Variants in SWI5 observed in about 807,000 individuals in gnomAD.
SWI5 encodes the protein SWI5 homologous recombination repair protein, also known as DNA repair protein SWI5 homolog.
Under a neutral mutation model 17.0 loss-of-function variants are expected in SWI5, and 12 were observed. That is an observed-to-expected ratio of 0.71 (90% confidence interval 0.45 to 1.14). SWI5 has a LOEUF of 1.14. Ranked by LOEUF, SWI5 falls within the 50% of genes most tolerant of loss-of-function variation. The pLI, the probability that SWI5 is intolerant of heterozygous loss-of-function variation, is 0.00. For missense variants in SWI5, 158 were observed against 162.2 expected (o/e 0.97, Z 0.14); for synonymous variants, 61 against 64.0 (o/e 0.95, Z 0.22).
intron 2 of SWI5, among the ~76,000 whole-genome samples, chr9:128,283,680 C>T (rs1831582493): frequency 6.6e-6 from 1 of 152,210 alleles, no homozygotes; most frequent in Non-Finnish European, 1.5e-5. Flanking sequence ...CATTGGCACC[C>T]AGGCCTCCAT....
At chr9:128,280,753 G>A (rs564128427) in intron 2 of SWI5, among the ~76,000 whole-genome samples, 107 of 152,196 alleles carry the variant, frequency 7.0e-4, no homozygotes, top group African/African-American at 2.5e-3. Flanking sequence ...TCCTGACCTC[G>A]TGATCCTCCC....
chr9:128,285,081 C>T lies in SWI5; in HGVS notation c.233+450C>T, dbSNP rs181434514. Among the ~76,000 whole-genome samples, 128 of 151,940 alleles carry T rather than the reference C, an allele frequency of 8.4e-4. No individual in the cohort carries two copies. The highest frequency in any genetic ancestry group is 2.9e-3 in the African/African-American group (119 of 41,442). ...ACTCAGGAGGCTGAGGCAGGAGAAT[C>T]GCTTGAACCTGGCAGGCAGAGGTTG... is the stretch of plus-strand genomic sequence containing the variant. On this transcript the variant is annotated intron_variant, in intron 3 of 4. Coordinates refer to ENST00000418976, the Ensembl canonical transcript of SWI5. The surrounding 1 kb of genome is among the most constrained non-coding windows in gnomAD (Gnocchi z 4.8).
chr9:128,275,419 G>A (rs1353693233), upstream of SWI5: 2 of 1,294,548 alleles, frequency 1.5e-6, no homozygotes. Context: ...TGGGGGAGGG[G>A]ACCGCAGGGC....
At chr9:128,279,880 A>G (rs1327830695) in intron 2 of SWI5, among the ~76,000 whole-genome samples, 3 of 152,170 alleles carry the variant, frequency 2.0e-5, no homozygotes, top group Non-Finnish European at 4.4e-5. Flanking sequence ...GGAGCCCTCA[A>G]GCGGCCCTTA....
exon 3 of SWI5, chr9:128,284,628 C>G (rs1203319800): frequency 3.1e-6 from 5 of 1,613,274 alleles, no homozygotes; most frequent in Non-Finnish European, 4.2e-6. Context: ...CAGTTCGTAT[C>G]TGAGTAAGTT....
At chr9:128,275,550 T>A, upstream of SWI5, 2 of 1,226,620 alleles carry the variant, frequency 1.6e-6, no homozygotes, top group Non-Finnish European at 2.1e-6. Flanking sequence ...CCAAAGTCAC[T>A]GGCGAGGGCA....
At chr9:128,275,854 TG>T, upstream of SWI5, 1 of 1,082,342 alleles carries the variant, frequency 9.2e-7, no homozygotes, top group South Asian at 1.4e-5. Flanking sequence ...GGAGTGGGGC[TG>T]GGGCTGGGTC....
intron 2 of SWI5, among the ~76,000 whole-genome samples, chr9:128,282,531 G>A (rs1831557465): frequency 6.6e-6 from 1 of 152,218 alleles, no homozygotes; most frequent in African/African-American, 2.4e-5. Flanking sequence ...TTAACTGGAA[G>A]CATCTGGAGG....
At position 128,281,028 on chromosome 9, in the gene SWI5, CTTTTTTTTTTTTTT is replaced by C. The variant is rs11306272; in HGVS notation, c.112-3466_112-3453del. Among the ~76,000 whole-genome samples, 280 of 43,818 alleles carry C rather than the reference CTTTTTTTTTTTTTT, an allele frequency of 6.4e-3. 9 individuals are homozygous for C. The South Asian group carries it at 0.22, about 34-fold the overall frequency. The allele number at this position is 43,818 out of a possible 152,430, so 28.7% of individuals were successfully genotyped here. A position where few individuals can be genotyped will look rare whatever the true frequency, so the allele number is the denominator to read the frequency against. ...CGTGTTCAATACAGATTCAACCATG[CTTTTTTTTTTTTTT>C]TTTTTTTTTTTTTTTGAGAGAGTCT... On this transcript the variant is annotated intron_variant, in intron 2 of 4. Coordinates refer to ENST00000418976, the Ensembl canonical transcript of SWI5.
intron 2 of SWI5, among the ~76,000 whole-genome samples, chr9:128,281,940 G>A (rs1831546175): frequency 6.6e-6 from 1 of 152,216 alleles, no homozygotes; most frequent in African/African-American, 2.4e-5. Context: ...AAAATTCGCT[G>A]AGTGTGATGG....
intron 2 of SWI5, among the ~76,000 whole-genome samples, chr9:128,283,792 C>A (rs115078407): frequency 6.6e-6 from 1 of 152,090 alleles, no homozygotes; most frequent in Non-Finnish European, 1.5e-5. Flanking sequence ...GGAAGGGAGA[C>A]GGCCAGAGAA....
chr9:128,287,565 T>TC (rs1470498521), intron 4 of SWI5, among the ~76,000 whole-genome samples: 2 of 146,222 alleles, frequency 1.4e-5, no homozygotes, highest in Non-Finnish European at 3.0e-5. Flanking sequence ...CCCTTTTTTT[T>TC]TTTTTTTTTT....
chr9:128,284,657 TGGTTAA>T (rs1831604188), intron 3 of SWI5, 26 bp downstream of exon 3: 1 of 1,609,754 alleles, frequency 6.2e-7, no homozygotes, highest in South Asian at 1.1e-5. Context: ...TTCCCCATCA[TGGTTAA>T]GATAACTTTG....
rs1831616952 is a variant in SWI5 at position 128,285,222 on chromosome 9, G to T, written c.233+591G>T. ...AGGAGAGGAAAGAAAAAGGAAGGAA[G>T]GAAAGAAAGGAAGGGAAAGAAGGAA... On this transcript the variant is annotated intron_variant, in intron 3 of 4. Coordinates refer to ENST00000418976, the Ensembl canonical transcript of SWI5. This position sits in a 1 kb window ranked among gnomAD's most constrained non-coding sequence, Gnocchi z 4.8. 1.4e-5 allele frequency among the ~76,000 whole-genome samples: 2 copies of T among 144,348 alleles called. No individual in the cohort carries two copies. Among genetic ancestry groups the T allele is most frequent in the African/African-American group, 2.6e-5 (1 of 39,062 alleles). The allele number at this position is 144,348 out of a possible 152,430, so 94.7% of individuals were successfully genotyped here.
intron 2 of SWI5, among the ~76,000 whole-genome samples, chr9:128,280,502 GTTC>G (rs1273843313): frequency 7.8e-6 from 1 of 128,858 alleles, no homozygotes; most frequent in Non-Finnish European, 1.6e-5. Context: ...GGTTGCATCT[GTTC>G]TTTTTAAAAA....
chr9:128,278,737 G>T lies in SWI5; in HGVS notation c.111+1982G>T, dbSNP rs193155215. The T allele has an allele frequency of 5.7e-5, 25 of 442,136 alleles. No individual in the cohort carries two copies. The East Asian group carries it at 1.7e-3, about 30-fold the overall frequency. The allele number at this position is 442,136 out of a possible 1,614,324, so 27.4% of individuals were successfully genotyped here. On this transcript the variant is annotated intron_variant, in intron 2 of 4. Transcript: ENST00000418976. ...ATAGCCAGGACGTGGCAGAGCTGGG[G>T]GCTTTAAACTGAGAAACTGAGTTGT...
At chr9:128,278,627 T>C (rs1054157295) in intron 2 of SWI5, 1 of 471,406 alleles carries the variant, frequency 2.1e-6, no homozygotes, top group African/African-American at 2.0e-5. Flanking sequence ...ATGCATCATC[T>C]TTCCAGTTCC....
Position 128,276,274 on chromosome 9 carries a change from C to G in SWI5, c.-67C>G, listed in dbSNP as rs1005396463. The G allele has an allele frequency of 1.9e-6, 3 of 1,612,566 alleles. No individual in the cohort carries two copies. The highest frequency in any genetic ancestry group is 2.5e-6 in the Non-Finnish European group (3 of 1,179,512). The stretch of plus-strand genomic sequence containing the variant: ...GGGTGCGCGCGCAGCTTTCTGTGCG[C>G]CAGTTCACACTCCGGGTCAGAGTTC... On this transcript the variant is annotated 5_prime_UTR_variant, in exon 1 of 5. Transcript: ENST00000418976.
In SWI5 at chr9:128,276,891, CGCCAG is replaced by C. The variant is rs1466818369; in HGVS notation, c.111+138_111+142del. On this transcript the variant is annotated intron_variant, in intron 2 of 4. Coordinates refer to ENST00000418976, the Ensembl canonical transcript of SWI5. Reference sequence around the variant, plus strand: ...TATCTTCTCCCAGTCGACTGAGAACCGCCAGGTCATTCCCGAATCCCTCCCCTTCC... The same window carrying C: ...TATCTTCTCCCAGTCGACTGAGAACCGTCATTCCCGAATCCCTCCCCTTCC... 15 of 905,474 alleles carry C rather than the reference CGCCAG, an allele frequency of 1.7e-5. No homozygotes were observed. In the African/African-American group the frequency reaches 2.5e-4, roughly 15 times the overall value. The allele number at this position is 905,474 out of a possible 1,614,324, so 56.1% of individuals were successfully genotyped here.
Sources: allele counts gnomAD v4.1 joint callset (sites outside exome capture counted in the v4.1 genomes callset), GRCh38; gene constraint gnomAD v4.1.1; non-coding constraint Gnocchi (gnomAD v3.1); transcripts MANE v1.5; gene names NCBI Gene and HGNC (gene_info 2026-07-23, HGNC 2026-07-21).